Variants in PRIM2 observed in about 807,000 individuals in gnomAD.
PRIM2 encodes DNA primase large subunit.
A neutral mutation model predicts 67.3 loss-of-function variants in PRIM2; 39 were observed. That is an observed-to-expected ratio of 0.58 (90% CI 0.45 to 0.76). The LOEUF is 0.76. Among genes scored for constraint, PRIM2 ranks in the 30% least tolerant of loss-of-function variants. The probability of loss-of-function intolerance (pLI) is 0.00; values close to 1 mark genes in which losing one functional copy is unlikely to be tolerated. For missense variants in PRIM2, 398 were observed against 598.7 expected, an observed-to-expected ratio of 0.66 and a Z score of 3.50; for synonymous variants, 143 against 198.7, an observed-to-expected ratio of 0.72 and a Z score of 2.36.
intron 7 of PRIM2, among the ~76,000 whole-genome samples, chr6:57,435,883 G>A (rs1771995544): frequency 6.6e-6 from 1 of 151,980 alleles, no homozygotes; most frequent in South Asian, 2.1e-4. Context: ...TGCACCAATG[G>A]GGTATATTAT....
intron 10 of PRIM2, among the ~76,000 whole-genome samples, chr6:57,552,112 G>C (rs1775416793): frequency 6.6e-6 from 1 of 152,136 alleles, no homozygotes; most frequent in South Asian, 2.1e-4. Flanking sequence ...AAGTCAGTGG[G>C]TTCGGGGAAG....
At chr6:57,309,505 G>T in the PRIM2 span, among the ~76,000 whole-genome samples, 2 of 152,046 alleles carry the variant, frequency 1.3e-5, no homozygotes, top group African/African-American at 4.8e-5. Context: ...ATTCCATGGT[G>T]TATATGTGCC....
chr6:57,523,131 C>A (rs1581968479), intron 8 of PRIM2, among the ~76,000 whole-genome samples: 1 of 152,114 alleles, frequency 6.6e-6, no homozygotes, highest in Admixed American at 6.5e-5. Flanking sequence ...TAAATTTAGG[C>A]CGAGATGATG....
At chr6:57,520,554 G>T (rs1246070326) in intron 8 of PRIM2, among the ~76,000 whole-genome samples, 2 of 152,206 alleles carry the variant, frequency 1.3e-5, no homozygotes, top group East Asian at 1.9e-4. Context: ...TTTGTTGGGG[G>T]TCTTAAAGTT....
At chr6:57,518,614 CTTTAATTCCG>C (rs1343648227) in intron 8 of PRIM2, among the ~76,000 whole-genome samples, 4 of 151,914 alleles carry the variant, frequency 2.6e-5, no homozygotes, top group Non-Finnish European at 5.9e-5. Flanking sequence ...AAAATTTTAC[CTTTAATTCCG>C]TTTTCCAAGC....
intron 7 of PRIM2, among the ~76,000 whole-genome samples, chr6:57,437,334 C>A (rs1291177812): frequency 6.6e-6 from 1 of 152,224 alleles, no homozygotes; most frequent in African/African-American, 2.4e-5. Context: ...GGACACAGAT[C>A]CAAATCATAT....
At chr6:57,516,209 A>G (rs1252703616) in intron 8 of PRIM2, among the ~76,000 whole-genome samples, 6 of 152,138 alleles carry the variant, frequency 3.9e-5, no homozygotes, top group African/African-American at 1.4e-4. Context: ...TTCATCTAAG[A>G]TCCTTAACCT....
chr6:57,569,890 C>T (rs1309946767), intron 10 of PRIM2, among the ~76,000 whole-genome samples: 5 of 152,100 alleles, frequency 3.3e-5, no homozygotes, highest in African/African-American at 7.2e-5. Context: ...ACTACAGGCA[C>T]GTGCCACCAC....
intron 7 of PRIM2, among the ~76,000 whole-genome samples, chr6:57,491,578 C>T (rs1554345966): frequency 1.3e-5 from 2 of 152,050 alleles, no homozygotes; most frequent in South Asian, 2.1e-4. Flanking sequence ...TTTTTAGAAA[C>T]GTGCTTTTAC....
chr6:57,564,212 C>T (rs1324536865), intron 10 of PRIM2, among the ~76,000 whole-genome samples: 2 of 152,100 alleles, frequency 1.3e-5, no homozygotes, highest in African/African-American at 2.4e-5. Context: ...ATGGGTATAC[C>T]TGAAGGTTAT....
chr6:57,601,946 C>T (rs1220106931), intron 11 of PRIM2, among the ~76,000 whole-genome samples: 1 of 151,968 alleles, frequency 6.6e-6, no homozygotes, highest in Non-Finnish European at 1.5e-5. Context: ...GAAAGACATT[C>T]TATGTGACCA....
chr6:57,291,041 C>CA, the PRIM2 span, among the ~76,000 whole-genome samples: 4 of 151,946 alleles, frequency 2.6e-5, no homozygotes, highest in Non-Finnish European at 4.4e-5. Context: ...AAAAACCCTT[C>CA]AAAAAATCAA....
chr6:57,254,437 G>A, the PRIM2 span, among the ~76,000 whole-genome samples: 1 of 152,136 alleles, frequency 6.6e-6, no homozygotes, highest in Admixed American at 6.6e-5. Flanking sequence ...TTGAGCACAA[G>A]GACAGTTTTG....
intron 12 of PRIM2, among the ~76,000 whole-genome samples, chr6:57,606,886 C>T (rs1268890735): frequency 6.6e-6 from 1 of 152,094 alleles, no homozygotes; most frequent in Non-Finnish European, 1.5e-5. Context: ...TTCTGATAGG[C>T]ATCAGTTATT....
intron 5 of PRIM2, among the ~76,000 whole-genome samples, chr6:57,379,169 G>A (rs1769871968): frequency 9.0e-6 from 1 of 111,348 alleles, no homozygotes; most frequent in East Asian, 2.4e-4. Context: ...TTTTAATTTA[G>A]CATTTATTAT....
chr6:57,552,802 A>G (rs1409065002), intron 10 of PRIM2, among the ~76,000 whole-genome samples: 5 of 151,916 alleles, frequency 3.3e-5, no homozygotes, highest in East Asian at 1.9e-4. Flanking sequence ...AAATATTTCT[A>G]CATAGTTTCT....
chr6:57,618,092 A>G (rs1364893263), intron 12 of PRIM2, among the ~76,000 whole-genome samples: 11 of 152,182 alleles, frequency 7.2e-5, no homozygotes, highest in Non-Finnish European at 1.0e-4. Context: ...GTACTGGTCT[A>G]TATGTCTGTC....
chr6:57,289,496 A>G, the PRIM2 span, among the ~76,000 whole-genome samples: 1 of 152,180 alleles, frequency 6.6e-6, no homozygotes, highest in South Asian at 2.1e-4. Context: ...CCCAAGACAC[A>G]TAATTGTCAG....
chr6:57,531,942 A>G (rs1280088883), intron 8 of PRIM2, among the ~76,000 whole-genome samples: 2 of 152,090 alleles, frequency 1.3e-5, no homozygotes, highest in Non-Finnish European at 2.9e-5. Flanking sequence ...TACAATTCAG[A>G]CCTCCTATCA....
Sources: gnomAD v4.1 joint callset for allele counts (sites outside exome capture counted in the v4.1 genomes callset) on GRCh38, gnomAD v4.1.1 for gene constraint, MANE v1.5 for transcripts, NCBI Gene and HGNC (gene_info 2026-07-23, HGNC 2026-07-21) for gene names.